Variants in POLE2 observed in about 807,000 individuals in gnomAD.
POLE2 encodes the protein DNA polymerase epsilon subunit 2.
POLE2 carries 56 observed loss-of-function variants against 79.4 expected under a neutral mutation model. The observed-to-expected ratio is 0.71, with a 90% CI of 0.57 to 0.88. The LOEUF is 0.88. POLE2 is among the 40% of genes least tolerant of loss of function. The pLI, the probability that POLE2 is intolerant of heterozygous loss-of-function variation, is 0.00. For synonymous variants in POLE2, 212 were observed against 214.0 expected, an observed-to-expected ratio of 0.99 and a Z score of 0.08; for missense variants, 598 against 638.9, an observed-to-expected ratio of 0.94 and a Z score of 0.69.
At chr14:49,653,589 A>T (rs1247933658) in intron 15 of POLE2, among the ~76,000 whole-genome samples, 4 of 152,170 alleles carry the variant, frequency 2.6e-5, no homozygotes, top group Admixed American at 2.6e-4. Context: ...GTCGAAATTC[A>T]GAGACACATT....
intron 2 of POLE2, among the ~76,000 whole-genome samples, chr14:49,682,090 T>C (rs1297268846): frequency 6.7e-6 from 1 of 149,406 alleles, no homozygotes; most frequent in Non-Finnish European, 1.5e-5. Context: ...CTGCAACCTC[T>C]GCCTCCCGGG....
At chr14:49,647,382 G>GTACT (rs1883859411) in intron 17 of POLE2, 22 bp from the exon 18 acceptor site, 2 of 1,278,828 alleles carry the variant, frequency 1.6e-6, no homozygotes, top group African/African-American at 3.1e-5. Flanking sequence ...AAAAATGCCT[G>GTACT]TAAGTGAATG....
intron 2 of POLE2, among the ~76,000 whole-genome samples, chr14:49,682,614 G>A (rs1263518783): frequency 7.1e-6 from 1 of 140,602 alleles, no homozygotes; most frequent in Non-Finnish European, 1.5e-5. Flanking sequence ...TCCAGCCTGG[G>A]CGACAGTGCA....
intron 2 of POLE2, 35 bp from the exon 3 acceptor site, chr14:49,679,835 C>CA (rs376413453): frequency 0.033 from 29,918 of 895,400 alleles, 569 homozygotes; most frequent in African/African-American, 0.17. Flanking sequence ...AATTTAAAAA[C>CA]AAAAAAAAAA....
chr14:49,653,904 G>A (rs1285690665), intron 15 of POLE2, 86 bp downstream of exon 15: 1 of 753,810 alleles, frequency 1.3e-6, no homozygotes, highest in East Asian at 2.7e-5. Flanking sequence ...GCCTCCCAAA[G>A]TGCTGAGATT....
At chr14:49,670,971 G>C (rs1360378460) in intron 5 of POLE2, among the ~76,000 whole-genome samples, 1 of 152,150 alleles carries the variant, frequency 6.6e-6, no homozygotes, top group African/African-American at 2.4e-5. Flanking sequence ...GCCCAGCCAA[G>C]AAGTTTGTCC....
chr14:49,658,372 G>C (rs1033821811), intron 10 of POLE2, among the ~76,000 whole-genome samples: 2 of 152,074 alleles, frequency 1.3e-5, no homozygotes, highest in Admixed American at 1.3e-4. Flanking sequence ...CACCGCGCCC[G>C]GCCCCTCTGG....
At position 49,650,246 on chromosome 14, in the gene POLE2, AG is replaced by A. The variant is rs1884113895; in HGVS notation, c.1497+18del. On this transcript the variant is annotated intron_variant, in intron 17 of 18. Transcript: ENST00000216367. ...AATCTTGATAAATAATGACTATATA[AG>A]ATTAACTACATTCTTACAGGGTTTA... The A allele has an allele frequency of 7.1e-7, 1 of 1,400,414 alleles. No individual in the cohort carries two copies. 86.7% of individuals were successfully genotyped at this position (1,400,414 alleles called of 1,614,324 possible). A position where few individuals can be genotyped will look rare whatever the true frequency, so the allele number is the denominator to read the frequency against.
Position 49,665,134 on chromosome 14 carries a change from TC to T in POLE2, c.605del (p.Gly202GlufsTer5). On this transcript the variant is annotated frameshift_variant, in exon 8 of 19. Transcript: ENST00000216367. LOFTEE classifies it high-confidence loss of function. ...EGKFFLEDPT[G>X]TVQLDLSKAQ... ...CTTTACTAAGGTCTAGTTGGACTGTTCCAGTAGGATCTTCCAGAAAAAATTT... is the reference window on the plus strand; with the variant it reads ...CTTTACTAAGGTCTAGTTGGACTGTTCAGTAGGATCTTCCAGAAAAAATTT... The T allele has an allele frequency of 7.1e-7, 1 of 1,412,298 alleles. No individual in the cohort carries two copies. Among genetic ancestry groups the T allele is most frequent in the South Asian group, 1.2e-5 (1 of 85,902 alleles). 87.5% of individuals were successfully genotyped at this position (1,412,298 alleles called of 1,614,324 possible). A position where few individuals can be genotyped will look rare whatever the true frequency, so the allele number is the denominator to read the frequency against.
At chr14:49,643,914 C>G (rs1216421668) in intron 18 of POLE2, among the ~76,000 whole-genome samples, 7 of 117,846 alleles carry the variant, frequency 5.9e-5, no homozygotes, top group African/African-American at 2.0e-4. Flanking sequence ...GAGTCTCACT[C>G]TGTTGCCCAG....
At chr14:49,671,656 C>T (rs1336031894) in intron 5 of POLE2, among the ~76,000 whole-genome samples, 2 of 139,992 alleles carry the variant, frequency 1.4e-5, no homozygotes, top group Non-Finnish European at 3.1e-5. Context: ...CTACTGGGTT[C>T]AAGCAGAAAG....
intron 5 of POLE2, among the ~76,000 whole-genome samples, chr14:49,670,523 T>C (rs1226441941): frequency 6.6e-6 from 1 of 152,058 alleles, no homozygotes; most frequent in Non-Finnish European, 1.5e-5. Flanking sequence ...GTAGGATTGA[T>C]ACCCCTTCCC....
At chr14:49,687,893 C>T (rs1197890070) in intron 1 of POLE2, among the ~76,000 whole-genome samples, 1 of 152,018 alleles carries the variant, frequency 6.6e-6, no homozygotes, top group Non-Finnish European at 1.5e-5. Flanking sequence ...AGAGACGGGG[C>T]TTCACCATGT....
intron 10 of POLE2, among the ~76,000 whole-genome samples, chr14:49,662,222 G>C (rs572009903): frequency 6.6e-6 from 1 of 152,268 alleles, no homozygotes; most frequent in African/African-American, 2.4e-5. Context: ...CTCTGCACAG[G>C]CCGCCCTGCC....
chr14:49,679,904 G>A (rs1044415354), intron 2 of POLE2, 104 bp from the exon 3 acceptor site: 2 of 656,338 alleles, frequency 3.0e-6, no homozygotes, highest in East Asian at 5.5e-5. Context: ...TTAATACTGA[G>A]ATTCTCATTA....
intron 2 of POLE2, among the ~76,000 whole-genome samples, chr14:49,682,977 G>C (rs944592597): frequency 6.6e-6 from 1 of 151,058 alleles, no homozygotes; most frequent in Non-Finnish European, 1.5e-5. Flanking sequence ...TAAAGGACCA[G>C]ATCAAAATCA....
chr14:49,645,936 C>T (rs576320129), intron 18 of POLE2, among the ~76,000 whole-genome samples: 2 of 152,284 alleles, frequency 1.3e-5, no homozygotes, highest in African/African-American at 4.8e-5. Flanking sequence ...TGGCTGCAGA[C>T]TGTTTTATGT....
chr14:49,668,759 A>C (rs563491451), intron 6 of POLE2, among the ~76,000 whole-genome samples: 1 of 152,262 alleles, frequency 6.6e-6, no homozygotes, highest in Middle Eastern at 3.4e-3. Context: ...AGGGAAATAT[A>C]AGTAATGTCA....
chr14:49,681,034 G>A (rs572094116), intron 2 of POLE2, among the ~76,000 whole-genome samples: 1 of 152,276 alleles, frequency 6.6e-6, no homozygotes, highest in African/African-American at 2.4e-5. Context: ...GTATCACGGA[G>A]TATGTTTCTT....
Sources: allele counts gnomAD v4.1 joint callset (sites outside exome capture counted in the v4.1 genomes callset), GRCh38; gene constraint gnomAD v4.1.1; transcripts MANE v1.5; gene names NCBI Gene and HGNC (gene_info 2026-07-23, HGNC 2026-07-21).